The following MRO variants were observed in gnomAD, a reference collection of about 807,000 sequenced individuals.
The protein encoded by MRO is protein maestro.
MRO carries 28 observed loss-of-function variants against 31.0 expected under a neutral mutation model. The ratio of observed to expected loss-of-function variants is 0.90; its 90% CI spans 0.67 to 1.24. MRO has a LOEUF of 1.24. Among genes scored for constraint, MRO ranks in the 50% most tolerant of loss-of-function variants. MRO has a pLI of 0.00. For missense variants in MRO, 332 were observed against 289.2 expected, an observed-to-expected ratio of 1.15 and a Z score of -1.07; for synonymous variants, 108 against 108.4, an observed-to-expected ratio of 1.00 and a Z score of 0.02.
chr18:50,820,909 C>T (rs942685820), upstream of MRO, among the ~76,000 whole-genome samples: 7 of 152,156 alleles, frequency 4.6e-5, no homozygotes, highest in Admixed American at 2.0e-4. Context: ...GAAAGAAAAT[C>T]GATGCTGCTG....
Position 50,798,588 on chromosome 18 carries a change from T to TA in MRO, c.*748dup, listed in dbSNP as rs2144567684. ...ATAAAATGAGAACAATAATAATACT[T>TA]ACTATCTCAGGGTTGTCGCAAGTAT... is the stretch of plus-strand genomic sequence containing the variant. On this transcript the variant is annotated 3_prime_UTR_variant, in exon 8 of 8. Transcript: ENST00000398439. 1 of 152,330 alleles carries TA rather than the reference T, an allele frequency of 6.6e-6. No individual in the cohort carries two copies. The highest frequency in any genetic ancestry group is 2.1e-4 in the South Asian group (1 of 4,830). 9.4% of individuals were successfully genotyped at this position (152,330 alleles called of 1,614,324 possible). A position where few individuals can be genotyped will look rare whatever the true frequency, so the allele number is the denominator to read the frequency against.
chr18:50,799,450 G>T, intron 7 of MRO, 60 bp from the exon 8 acceptor site: 2 of 1,406,020 alleles, frequency 1.4e-6, no homozygotes, highest in Non-Finnish European at 1.0e-6. Context: ...CCTTGACAAT[G>T]TAACTAGTAG....
At chr18:50,805,071 A>T in intron 5 of MRO, 83 bp downstream of exon 5, 1 of 1,206,860 alleles carries the variant, frequency 8.3e-7, no homozygotes, top group Non-Finnish European at 1.2e-6. Context: ...GATTACAGGC[A>T]TGAGCCACCG....
chr18:50,820,237 G>T (rs181737993), upstream of MRO, among the ~76,000 whole-genome samples: 1 of 152,184 alleles, frequency 6.6e-6, no homozygotes, highest in Non-Finnish European at 1.5e-5. Context: ...GCTGATTGTT[G>T]CACCAACAAC....
Position 50,819,921 on chromosome 18 carries a change from G to C in MRO, c.-151C>G, listed in dbSNP as rs1915236586. On this transcript the variant is annotated 5_prime_UTR_variant, in exon 1 of 8. Coordinates refer to ENST00000398439, the MANE Select transcript of MRO (RefSeq NM_031939.6). ...CCTTTGCTTCCCCACGCCATGCTGA[G>C]GTGTTTTTCCTTCTCCTTGCTGTGA... The C allele has an allele frequency of 1.3e-6, 2 of 1,551,700 alleles. No homozygotes were observed. The highest frequency in any genetic ancestry group is 1.7e-6 in the Non-Finnish European group (2 of 1,146,956).
Position 50,795,356 on chromosome 18 carries a change from A to G in MRO, c.*3981T>C, listed in dbSNP as rs1912705564. ...TGTGTTTTATAACTATGAAAGTAATACATGCTCATTGCAGCAAACTTAGAA... is the reference window on the plus strand; with the variant it reads ...TGTGTTTTATAACTATGAAAGTAATGCATGCTCATTGCAGCAAACTTAGAA... On this transcript the variant is annotated 3_prime_UTR_variant, in exon 8 of 8. Transcript: ENST00000398439. 2 of 152,238 alleles carry G rather than the reference A, an allele frequency of 1.3e-5. No individual in the cohort carries two copies. The highest frequency in any genetic ancestry group is 2.4e-5 in the African/African-American group (1 of 41,460). 9.4% of individuals were successfully genotyped at this position (152,238 alleles called of 1,614,324 possible). A position where few individuals can be genotyped will look rare whatever the true frequency, so the allele number is the denominator to read the frequency against.
chr18:50,802,920 T>TGTGC (rs1270187201), intron 5 of MRO, among the ~76,000 whole-genome samples: 2 of 134,836 alleles, frequency 1.5e-5, no homozygotes, highest in African/African-American at 5.2e-5. Context: ...GTGTGTAGTG[T>TGTGC]GTGTGTGTGT....
intron 3 of MRO, among the ~76,000 whole-genome samples, chr18:50,808,045 C>T (rs990605847): frequency 4.6e-5 from 7 of 152,228 alleles, no homozygotes; most frequent in Admixed American, 2.6e-4. Flanking sequence ...TGAGATCACG[C>T]CATTGCACTC....
At chr18:50,819,499 T>A (rs1312909931) in intron 2 of MRO, 82 bp downstream of exon 2, 2 of 1,521,210 alleles carry the variant, frequency 1.3e-6, no homozygotes, top group African/African-American at 1.4e-5. Flanking sequence ...CAGAGTGACA[T>A]TCCAGAAAGG....
chr18:50,823,800 A>G (rs1341501328), upstream of MRO: 2 of 202,684 alleles, frequency 9.9e-6, no homozygotes, highest in Admixed American at 9.1e-5. Flanking sequence ...AGGCCAAACA[A>G]TGGGGCTGGA....
rs200448559 is a variant in MRO at position 50,805,293 on chromosome 18, C to G, written c.290G>C (p.Gly97Ala). Residue 97 changes from glycine (G) to alanine (A), a missense_variant, in exon 5 of 8, where the codon GGA becomes GCA. Physicochemically the swap from Gly to Ala is moderately conservative, Grantham distance 60. Coordinates refer to ENST00000398439, the MANE Select transcript of MRO (RefSeq NM_031939.6). Reference protein sequence around the residue: ...KKIVLDLLVYGLYDPVNLEVI... With the variant: ...KKIVLDLLVYALYDPVNLEVI... ...TTCCAAATTCACAGGGTCATACAGT[C>G]CATACACCAGCAGGTCGAGGACAAT... 6.2e-7 allele frequency: 1 copy of G among 1,613,984 alleles called. No individual in the cohort carries two copies. The highest frequency in any genetic ancestry group is 8.5e-7 in the Non-Finnish European group (1 of 1,179,990).
chr18:50,804,919 C>A (rs1023065159), intron 5 of MRO, among the ~76,000 whole-genome samples: 3 of 151,904 alleles, frequency 2.0e-5, no homozygotes, highest in Non-Finnish European at 2.9e-5. Flanking sequence ...AGCCTCCCGA[C>A]TAGCTGGGAC....
intron 2 of MRO, 77 bp from the exon 3 acceptor site, chr18:50,809,481 G>A: frequency 3.1e-6 from 3 of 982,036 alleles, no homozygotes; most frequent in South Asian, 1.5e-5. Context: ...AATGCATTGT[G>A]CTGGGGTAAG....
At chr18:50,822,887 A>T (rs1432931070), upstream of MRO, among the ~76,000 whole-genome samples, 1 of 151,978 alleles carries the variant, frequency 6.6e-6, no homozygotes, top group Admixed American at 6.6e-5. Context: ...CAACACTCGG[A>T]CTGCGCTCTC....
Position 50,797,525 on chromosome 18 carries a change from GTCAAATAA to G in MRO, c.*1804_*1811del, listed in dbSNP as rs905795087. ...TAAAAGCCTACCATTGAATCTTAAA[GTCAAATAA>G]TCCAACCGCATCTTCCACAATTTTA... On this transcript the variant is annotated 3_prime_UTR_variant, in exon 8 of 8. Transcript: ENST00000398439. The G allele has an allele frequency of 3.4e-4, 51 of 152,208 alleles. No homozygotes were observed. The highest frequency in any genetic ancestry group is 1.2e-3 in the African/African-American group (51 of 41,444). The allele number at this position is 152,208 out of a possible 1,614,324, so 9.4% of individuals were successfully genotyped here.
chr18:50,796,509 T>C lies in MRO; in HGVS notation c.*2828A>G, dbSNP rs1652093642. 1.3e-5 allele frequency: 2 copies of C among 152,152 alleles called. No homozygotes were observed. Among genetic ancestry groups the C allele is most frequent in the Admixed American group, 6.5e-5 (1 of 15,282 alleles). 9.4% of individuals were successfully genotyped at this position (152,152 alleles called of 1,614,324 possible). A position where few individuals can be genotyped will look rare whatever the true frequency, so the allele number is the denominator to read the frequency against. On this transcript the variant is annotated 3_prime_UTR_variant, in exon 8 of 8. Transcript: ENST00000398439. ...TTCAGAGACTTGAGCTCTCCCCTGA[T>C]TGGGGGGATCAGGACTTTGACCTAG... is the stretch of plus-strand genomic sequence containing the variant.
At chr18:50,800,185 C>T in intron 6 of MRO, 42 bp from the exon 7 acceptor site, 1 of 1,399,260 alleles carries the variant, frequency 7.1e-7, no homozygotes, top group Non-Finnish European at 9.9e-7. Flanking sequence ...TAGAGAGTTC[C>T]ATAATCCCAA....
intron 5 of MRO, among the ~76,000 whole-genome samples, chr18:50,803,693 T>C (rs1189389959): frequency 6.6e-6 from 1 of 152,180 alleles, no homozygotes; most frequent in Non-Finnish European, 1.5e-5. Context: ...CCTCTGTGTC[T>C]CTGGAGCAGG....
rs1274880175 is a variant in MRO, at chr18:50,809,354, G to A, written c.47C>T (p.Pro16Leu). 1 of 1,613,808 alleles carries A rather than the reference G, an allele frequency of 6.2e-7. No individual in the cohort carries two copies. The highest frequency in any genetic ancestry group is 8.5e-7 in the Non-Finnish European group (1 of 1,179,882). The change falls in exon 3 of 8, where the codon CCT (proline) becomes CTT (leucine). Residue 16 changes from proline (P) to leucine (L), a missense_variant. By Grantham distance (98) the Pro-to-Leu change is moderately conservative. Transcript: ENST00000398439. ...RRILGQPLSI[P>L]TSQPKQKRTS... is the part of the protein sequence containing the mutation. Reference sequence around the variant, plus strand: ...CCTTTTCTGCTTGGGCTGGGAAGTAGGGATGGAAAGGGGCTGGCCCAGGAT... The same window carrying A: ...CCTTTTCTGCTTGGGCTGGGAAGTAAGGATGGAAAGGGGCTGGCCCAGGAT...
Sources: allele counts gnomAD v4.1 joint callset (sites outside exome capture counted in the v4.1 genomes callset), GRCh38; gene constraint gnomAD v4.1.1; transcripts MANE v1.5; gene names NCBI Gene and HGNC (gene_info 2026-07-23, HGNC 2026-07-21).